The following KLF8 variants were observed in gnomAD, a reference collection of about 807,000 sequenced individuals.
KLF8 encodes Krueppel-like factor 8.
KLF8 carries 10 observed loss-of-function variants against 18.2 expected under a neutral mutation model. That is an observed-to-expected ratio of 0.55 (90% CI 0.34 to 0.93). KLF8 has a LOEUF of 0.93. Among genes scored for constraint, KLF8 ranks in the 40% least tolerant of loss-of-function variants. KLF8 has a pLI of 0.02. For missense variants in KLF8, 264 were observed against 277.9 expected (o/e 0.95, Z 0.36); for synonymous variants, 109 against 97.3 (o/e 1.12, Z -0.71).
the KLF8 span, among the ~76,000 whole-genome samples, chrX:56,032,706 G>A: frequency 1.8e-5 from 2 of 112,106 alleles, no homozygotes; most frequent in South Asian, 3.7e-4. Flanking sequence ...TATGAATATA[G>A]CAATTTGTTT....
chrX:56,029,801 C>A, the KLF8 span, among the ~76,000 whole-genome samples: 2 of 111,890 alleles, frequency 1.8e-5, no homozygotes, highest in African/African-American at 6.5e-5. Context: ...CCCAGAACAC[C>A]CCTTTCCCTG....
the KLF8 span, among the ~76,000 whole-genome samples, chrX:56,005,307 C>T: frequency 4.5e-5 from 5 of 111,464 alleles, no homozygotes; most frequent in East Asian, 2.8e-4. Flanking sequence ...AGTGCTTTGT[C>T]GGGATGGTGG....
chrX:55,946,498 T>A, the KLF8 span, among the ~76,000 whole-genome samples: 91 of 111,682 alleles, frequency 8.1e-4, no homozygotes, highest in African/African-American at 2.9e-3. Context: ...AGATGGATTG[T>A]CGACTTAAAC....
At chrX:56,239,469 G>A (rs1471180735) in intron 1 of KLF8, among the ~76,000 whole-genome samples, 1 of 112,285 alleles carries the variant, frequency 8.9e-6, no homozygotes, top group Admixed American at 9.5e-5. Flanking sequence ...GCCAACATCT[G>A]CAGTGGGCTG....
chrX:56,048,437 T>G, the KLF8 span, among the ~76,000 whole-genome samples: 2 of 112,031 alleles, frequency 1.8e-5, no homozygotes, highest in South Asian at 7.4e-4. Flanking sequence ...CTTGAATTAA[T>G]TTTTGTATAA....
chrX:56,281,402 C>A (rs1417779765), intron 5 of KLF8, among the ~76,000 whole-genome samples: 1 of 111,849 alleles, frequency 8.9e-6, no homozygotes, highest in Admixed American at 9.5e-5. Context: ...AGCCTTGGAA[C>A]TTATATCACA....
chrX:56,265,884 T>C, intron 3 of KLF8, 140 bp downstream of exon 3: 1 of 1,064,851 alleles, frequency 9.4e-7, no homozygotes, highest in Non-Finnish European at 1.2e-6. Context: ...TACTGTTTTT[T>C]ATGTCTTTTT....
intron 3 of KLF8, chrX:56,266,977 T>C (rs1315761304): frequency 1.3e-6 from 1 of 751,485 alleles, no homozygotes; most frequent in African/African-American, 2.3e-5. Flanking sequence ...AGATGTGATA[T>C]CCATTCCATA....
chrX:56,239,205 A>T (rs1398126537), intron 1 of KLF8, among the ~76,000 whole-genome samples: 1 of 111,672 alleles, frequency 9.0e-6, no homozygotes, highest in African/African-American at 3.3e-5. Flanking sequence ...GTTTCTCATC[A>T]CACGGACCTG....
chrX:55,924,338 AAGTGCTGGGATTAC>A, the KLF8 span, among the ~76,000 whole-genome samples: 15 of 111,561 alleles, frequency 1.3e-4, no homozygotes, highest in Admixed American at 7.6e-4. Flanking sequence ...CAGCCTCCAA[AAGTGCTGGGATTAC>A]AGGCTTGAGC....
At chrX:56,205,706 T>A in the KLF8 span, among the ~76,000 whole-genome samples, 1 of 112,167 alleles carries the variant, frequency 8.9e-6, no homozygotes, top group Admixed American at 9.5e-5. Context: ...CACCTATTTT[T>A]TCTGAATAAT....
the KLF8 span, among the ~76,000 whole-genome samples, chrX:55,989,776 T>C: frequency 8.9e-6 from 1 of 112,074 alleles, no homozygotes; most frequent in Non-Finnish European, 1.9e-5. Context: ...TCAGAAGGAA[T>C]GGTACCAGCT....
the KLF8 span, among the ~76,000 whole-genome samples, chrX:55,986,601 G>A: frequency 0.014 from 1,596 of 111,938 alleles, 13 homozygotes; most frequent in Middle Eastern, 0.037. Context: ...GCTGCAGACC[G>A]CAGCTGCTTC....
At chrX:56,092,649 C>A in the KLF8 span, among the ~76,000 whole-genome samples, 1 of 109,919 alleles carries the variant, frequency 9.1e-6, no homozygotes, top group Non-Finnish European at 1.9e-5. Context: ...CTGTTTTATA[C>A]TAATACTATT....
the KLF8 span, among the ~76,000 whole-genome samples, chrX:56,049,823 A>AATC: frequency 9.1e-6 from 1 of 109,407 alleles, no homozygotes; most frequent in East Asian, 2.8e-4. Flanking sequence ...TATTGATTGG[A>AATC]ATAGCTTCAG....
the KLF8 span, among the ~76,000 whole-genome samples, chrX:56,120,957 T>C: frequency 1.2e-4 from 13 of 110,343 alleles, no homozygotes; most frequent in South Asian, 1.5e-3. Flanking sequence ...GAGGCCAAGG[T>C]GGGCAGATCA....
chrX:56,225,975 T>A, the KLF8 span, among the ~76,000 whole-genome samples: 1 of 112,409 alleles, frequency 8.9e-6, no homozygotes, highest in South Asian at 3.7e-4. Context: ...GACTGCCACA[T>A]AAAAAGAGAG....
At chrX:56,160,545 A>C in the KLF8 span, among the ~76,000 whole-genome samples, 4 of 111,501 alleles carry the variant, frequency 3.6e-5, no homozygotes, top group African/African-American at 6.5e-5. Context: ...TAGGTTACTA[A>C]GGACTTGCTT....
the KLF8 span, among the ~76,000 whole-genome samples, chrX:55,948,585 G>C: frequency 8.9e-6 from 1 of 111,865 alleles, no homozygotes; most frequent in Non-Finnish European, 1.9e-5. Flanking sequence ...AGTCACCATA[G>C]ATGATGCAGT....
Sources: allele counts gnomAD v4.1 joint callset (sites outside exome capture counted in the v4.1 genomes callset), GRCh38; gene constraint gnomAD v4.1.1; transcripts MANE v1.5; gene names NCBI Gene and HGNC (gene_info 2026-07-23, HGNC 2026-07-21).